ZNRF3: variants seen among roughly 807,000 people sequenced by gnomAD.
ZNRF3 encodes zinc and ring finger 3, also known as E3 ubiquitin-protein ligase ZNRF3.
In ZNRF3, 23 loss-of-function variants were observed where a neutral mutation model predicts 72.5. The ratio of observed to expected loss-of-function variants is 0.32; its 90% CI spans 0.23 to 0.45. ZNRF3 has a LOEUF of 0.45. Ranked by LOEUF, ZNRF3 falls within the 20% of genes least tolerant of loss-of-function variation. The probability of loss-of-function intolerance (pLI) is 1.00; values close to 1 mark genes in which losing one functional copy is unlikely to be tolerated. For synonymous variants in ZNRF3, 610 were observed against 545.3 expected, an observed-to-expected ratio of 1.12 and a Z score of -1.65; for missense variants, 1,169 against 1,272.1, an observed-to-expected ratio of 0.92 and a Z score of 1.23.
chr22:28,923,541 T>G (rs549187919), intron 1 of ZNRF3, among the ~76,000 whole-genome samples: 2 of 151,946 alleles, frequency 1.3e-5, no homozygotes, highest in Non-Finnish European at 2.9e-5. Flanking sequence ...AAATGTTACA[T>G]GTAGACTCCA....
chr22:29,050,902 C>T lies in ZNRF3; in HGVS notation c.2721C>T (p.Ala907=). 6.4e-7 allele frequency: 1 copy of T among 1,561,806 alleles called. No individual in the cohort carries two copies. Among genetic ancestry groups the T allele is most frequent in the South Asian group, 1.2e-5 (1 of 84,268 alleles). Residue 907 remains alanine (A), a synonymous_variant, in exon 8 of 9, where the codon GCC becomes GCT. Coordinates refer to ENST00000544604, the MANE Select transcript of ZNRF3 (RefSeq NM_001206998.2). ...AGAVRANFPS[A]LQDTQESSTT... is the part of the protein sequence containing the mutation. ...CTGTCAGGGCCAACTTCCCTAGTGCCCTCCAGGACACTCAGGAGTCCAGCA... is the reference window on the plus strand; with the variant it reads ...CTGTCAGGGCCAACTTCCCTAGTGCTCTCCAGGACACTCAGGAGTCCAGCA...
chr22:28,962,171 A>G (rs369368710), intron 1 of ZNRF3, among the ~76,000 whole-genome samples: 2 of 152,234 alleles, frequency 1.3e-5, no homozygotes, highest in African/African-American at 4.8e-5. Context: ...CCGCATCCCA[A>G]CTGCTCAATA....
At chr22:28,901,754 C>G (rs978341158) in intron 1 of ZNRF3, among the ~76,000 whole-genome samples, 5 of 149,504 alleles carry the variant, frequency 3.3e-5, no homozygotes, top group African/African-American at 1.2e-4. Context: ...GATTCTCCTG[C>G]TTCAGTCTCC....
rs573427933 is a variant in ZNRF3 at position 29,028,826 on chromosome 22, C to T, written c.427-13669C>T. On this transcript the variant is annotated intron_variant, in intron 2 of 8. Transcript: ENST00000544604. ...TACTTTCCCTCTTGGAGTCTCAGTACCACTCTATGACCAAGCAGGGGGGCC... is the reference window on the plus strand; with the variant it reads ...TACTTTCCCTCTTGGAGTCTCAGTATCACTCTATGACCAAGCAGGGGGGCC... 2.0e-5 allele frequency among the ~76,000 whole-genome samples: 3 copies of T among 152,324 alleles called. No homozygotes were observed. In the East Asian group the frequency reaches 5.8e-4, roughly 29 times the overall value.
At chr22:28,945,582 T>G (rs1329291423) in intron 1 of ZNRF3, among the ~76,000 whole-genome samples, 1 of 151,142 alleles carries the variant, frequency 6.6e-6, no homozygotes. Context: ...CAGGCTGGAG[T>G]GCAGTGGTGC....
intron 2 of ZNRF3, among the ~76,000 whole-genome samples, chr22:29,020,464 C>T (rs2036513079): frequency 1.3e-5 from 2 of 151,852 alleles, no homozygotes; most frequent in Admixed American, 6.6e-5. Flanking sequence ...TTTCACCATG[C>T]TGCCCAGGCT....
Position 29,049,564 on chromosome 22 carries a change from C to T in ZNRF3, c.1383C>T (p.Cys461=), listed in dbSNP as rs1415782782. ...GCCGCAGCTTCTCCAAGGCAGCTTG[C>T]TTCTCCCAGTATGAGACCATGTACC... The part of the protein sequence containing the change: ...LSGRSFSKAA[C]FSQYETMYQH... The change falls in exon 8 of 9, where the codon TGC becomes TGT. Residue 461 remains cysteine (C), a synonymous_variant. Coordinates refer to ENST00000544604, the MANE Select transcript of ZNRF3 (RefSeq NM_001206998.2). The surrounding 1 kb of genome is among the most constrained non-coding windows in gnomAD (Gnocchi z 5.2). 3.7e-6 allele frequency: 6 copies of T among 1,605,116 alleles called. No homozygotes were observed. The highest frequency in any genetic ancestry group is 4.2e-6 in the Non-Finnish European group (5 of 1,177,222).
At chr22:28,951,703 C>T (rs918749011) in intron 1 of ZNRF3, among the ~76,000 whole-genome samples, 7 of 152,204 alleles carry the variant, frequency 4.6e-5, no homozygotes, top group African/African-American at 9.6e-5. Context: ...GGTTCTCTTG[C>T]TCACCTTGGA....
intron 1 of ZNRF3, 72 bp downstream of exon 1, chr22:28,884,138 C>G: frequency 1.9e-6 from 2 of 1,025,720 alleles, no homozygotes; most frequent in Non-Finnish European, 2.4e-6. Flanking sequence ...CCCGCCGACC[C>G]CGCCGCGGGC....
intron 2 of ZNRF3, among the ~76,000 whole-genome samples, chr22:29,010,160 C>T (rs868480956): frequency 2.0e-5 from 3 of 152,064 alleles, no homozygotes; most frequent in Admixed American, 6.6e-5. Context: ...CCACCCGCCT[C>T]GGCCGCCCAA....
At chr22:28,938,749 A>G (rs2034887209) in intron 1 of ZNRF3, among the ~76,000 whole-genome samples, 1 of 152,216 alleles carries the variant, frequency 6.6e-6, no homozygotes, top group Non-Finnish European at 1.5e-5. Context: ...CTGAGGGGAG[A>G]TGTATATATA....
At chr22:28,948,739 G>A (rs1337548408) in intron 1 of ZNRF3, among the ~76,000 whole-genome samples, 2 of 152,196 alleles carry the variant, frequency 1.3e-5, no homozygotes, top group African/African-American at 4.8e-5. Context: ...TGGACAAGAG[G>A]TAGTTTCTGA....
At chr22:29,053,182 C>A (rs536556648) in intron 8 of ZNRF3, among the ~76,000 whole-genome samples, 15 of 152,314 alleles carry the variant, frequency 9.8e-5, no homozygotes, top group African/African-American at 3.6e-4. Context: ...ACTCCAGCCC[C>A]CTCTGAGATC....
intron 2 of ZNRF3, among the ~76,000 whole-genome samples, chr22:29,014,154 G>C (rs2036392832): frequency 6.6e-6 from 1 of 152,122 alleles, no homozygotes; most frequent in Admixed American, 6.5e-5. Context: ...GCCATTCCGA[G>C]TATTGCAGTG....
intron 1 of ZNRF3, among the ~76,000 whole-genome samples, chr22:28,923,626 C>T (rs550048968): frequency 7.9e-5 from 12 of 152,290 alleles, no homozygotes; most frequent in African/African-American, 2.9e-4. Flanking sequence ...CAACACCTGG[C>T]CCCGCTTGTT....
intron 1 of ZNRF3, among the ~76,000 whole-genome samples, chr22:28,945,526 A>ATTT (rs528570669): frequency 1.1e-4 from 15 of 137,886 alleles, no homozygotes; most frequent in African/African-American, 2.1e-4. Flanking sequence ...ACCCGTCTCT[A>ATTT]TTTTTTTTTT....
chr22:29,041,999 A>G (rs1270859363), intron 2 of ZNRF3, among the ~76,000 whole-genome samples: 2 of 152,124 alleles, frequency 1.3e-5, no homozygotes, highest in African/African-American at 4.8e-5. Flanking sequence ...GGTTGTTTTC[A>G]GTATTTGGGC....
At chr22:29,016,035 A>AC (rs1330417181) in intron 2 of ZNRF3, among the ~76,000 whole-genome samples, 9 of 149,876 alleles carry the variant, frequency 6.0e-5, no homozygotes, top group Non-Finnish European at 3.0e-5. Context: ...AAAAACAAAA[A>AC]AACTGAAACT....
intron 1 of ZNRF3, among the ~76,000 whole-genome samples, chr22:28,926,234 A>C (rs1164946606): frequency 6.6e-6 from 1 of 152,176 alleles, no homozygotes; most frequent in African/African-American, 2.4e-5. Context: ...TTTTTTGTGC[A>C]ATGGGGTGGA....
Sources: allele counts gnomAD v4.1 joint callset (sites outside exome capture counted in the v4.1 genomes callset), GRCh38; gene constraint gnomAD v4.1.1; non-coding constraint Gnocchi (gnomAD v3.1); transcripts MANE v1.5; gene names NCBI Gene and HGNC (gene_info 2026-07-23, HGNC 2026-07-21).